Variants in ETV4 observed in about 807,000 individuals in gnomAD.
The protein encoded by ETV4 is ETS variant transcription factor 4.
Under a neutral mutation model 65.9 loss-of-function variants are expected in ETV4, and 42 were observed. The observed-to-expected ratio is 0.64, with a 90% confidence interval of 0.50 to 0.82. The LOEUF (loss-of-function observed/expected upper bound fraction) is 0.82. Among genes scored for constraint, ETV4 ranks in the 40% least tolerant of loss-of-function variants. The pLI, the probability that ETV4 is intolerant of heterozygous loss-of-function variation, is 0.00. For synonymous variants in ETV4, 238 were observed against 260.0 expected (o/e 0.92, Z 0.81); for missense variants, 583 against 630.3 (o/e 0.92, Z 0.80).
At chr17:43,541,036 C>T (rs1189415132) in intron 4 of ETV4, among the ~76,000 whole-genome samples, 1 of 152,146 alleles carries the variant, frequency 6.6e-6, no homozygotes, top group African/African-American at 2.4e-5. Flanking sequence ...CTTCCTGCCT[C>T]GGGCCTGACA....
intron 6 of ETV4, 59 bp from the exon 7 acceptor site, chr17:43,533,407 C>G: frequency 1.3e-6 from 2 of 1,508,820 alleles, no homozygotes; most frequent in Non-Finnish European, 1.8e-6. Flanking sequence ...CATCTTTGAA[C>G]CCTTCATTCC....
At chr17:43,545,837 G>T in intron 1 of ETV4, 169 bp from the exon 2 acceptor site, 1 of 598,322 alleles carries the variant, frequency 1.7e-6, no homozygotes, top group Non-Finnish European at 3.0e-6. Flanking sequence ...CTCCCCTCCC[G>T]CCAAAGGCCA....
chr17:43,537,017 T>C (rs901912531), intron 4 of ETV4, among the ~76,000 whole-genome samples: 4 of 152,204 alleles, frequency 2.6e-5, no homozygotes, highest in Non-Finnish European at 4.4e-5. Context: ...CTCACAACAG[T>C]CATATCTAGG....
intron 5 of ETV4, among the ~76,000 whole-genome samples, chr17:43,534,377 C>G (rs1971123475): frequency 1.3e-5 from 2 of 152,000 alleles, no homozygotes; most frequent in South Asian, 4.2e-4. Context: ...GCCTGTAGTC[C>G]CAGCTACTCA....
chr17:43,528,697 G>A lies in ETV4; in HGVS notation c.1277C>T (p.Ala426Val), dbSNP rs117364926. The A allele has an allele frequency of 1.5e-3, 2,413 of 1,614,168 alleles. 2 individuals are homozygous for A. Among genetic ancestry groups the A allele is most frequent in the Non-Finnish European group, 1.8e-3 (2,125 of 1,180,038 alleles). Residue 426 changes from alanine to valine, a missense_variant, in exon 13 of 13, where the codon GCC becomes GTC. Transcript: ENST00000319349. The stretch of plus-strand genomic sequence containing the variant: ...GTCCGGGAAGGCCAAAGAGAAGAGG[G>A]CCTCGGGCTCACACACAAACTTGTA... The part of the protein sequence containing the change: ...YVYKFVCEPE[A>V]LFSLAFPDNQ...
At chr17:43,545,152 G>A in intron 3 of ETV4, 122 bp downstream of exon 3, 1 of 1,291,320 alleles carries the variant, frequency 7.7e-7, no homozygotes, top group Non-Finnish European at 1.1e-6. Flanking sequence ...TCCCTTGGAG[G>A]GCGAGTTTTT....
chr17:43,534,007 A>G (rs760155769), intron 5 of ETV4, 22 bp from the exon 6 acceptor site: 1 of 1,505,712 alleles, frequency 6.6e-7, no homozygotes, highest in East Asian at 2.6e-5. Flanking sequence ...GAGGGGACAG[A>G]GCAAGGCCAG....
intron 4 of ETV4, among the ~76,000 whole-genome samples, chr17:43,541,694 G>A (rs192681216): frequency 6.6e-6 from 1 of 152,234 alleles, no homozygotes; most frequent in African/African-American, 2.4e-5. Context: ...ATAGGGTGAA[G>A]GGGGTAGAGG....
intron 8 of ETV4, 95 bp from the exon 9 acceptor site, chr17:43,530,276 C>T: frequency 6.5e-7 from 1 of 1,526,754 alleles, no homozygotes; most frequent in Non-Finnish European, 8.8e-7. Context: ...GAATTTCTTC[C>T]TTCCAGCCTG....
At chr17:43,545,949 G>A in intron 1 of ETV4, 2 of 315,306 alleles carry the variant, frequency 6.3e-6, no homozygotes, top group East Asian at 6.5e-5. Flanking sequence ...GTGTGTGTGT[G>A]TGTGTGTGTG....
rs1045769531 is a variant in ETV4, at chr17:43,528,548, A to G, written c.1426T>C (p.Phe476Leu). The G allele has an allele frequency of 1.2e-6, 2 of 1,612,434 alleles. No homozygotes were observed. The highest frequency in any genetic ancestry group is 1.7e-6 in the Non-Finnish European group (2 of 1,179,082). The change falls in exon 13 of 13, where the codon TTT becomes CTT. Residue 476 changes from phenylalanine to leucine, a missense_variant. Phe to Leu is a conservative substitution (Grantham distance 22). Transcript: ENST00000319349. ...TAAGAGTAGCCACCCTTGGGGCCAA[A>G]TGGCTGGGCGGGGCCAGCCAGCTCT... ...LPELAGPAQPFGPKGGYSY is the reference protein window; with the variant it reads ...LPELAGPAQPLGPKGGYSY
At chr17:43,542,676 C>T (rs908296833) in intron 4 of ETV4, among the ~76,000 whole-genome samples, 1 of 152,162 alleles carries the variant, frequency 6.6e-6, no homozygotes, top group African/African-American at 2.4e-5. Flanking sequence ...TCACACTCAC[C>T]CTTCAACGCC....
At chr17:43,532,265 C>T (rs528187552) in intron 8 of ETV4, among the ~76,000 whole-genome samples, 12 of 152,046 alleles carry the variant, frequency 7.9e-5, no homozygotes, top group Non-Finnish European at 1.5e-4. Context: ...TTTGGGAGGC[C>T]GAGGCGATGG....
At position 43,537,406 on chromosome 17, in the gene ETV4, G is replaced by C. The variant is rs115696102; in HGVS notation, c.203-927C>G. ...TTAAATAATAAATAAAATCACATAGGGGGGTGGCTGGGCGCAGTGGTTCAT... is the reference window on the plus strand; with the variant it reads ...TTAAATAATAAATAAAATCACATAGCGGGGTGGCTGGGCGCAGTGGTTCAT... On this transcript the variant is annotated intron_variant, in intron 4 of 12. Transcript: ENST00000319349. 2.7e-3 allele frequency among the ~76,000 whole-genome samples: 407 copies of C among 151,862 alleles called. 2 individuals carry two copies. The highest frequency in any genetic ancestry group is 9.1e-3 in the African/African-American group (375 of 41,404).
chr17:43,542,082 T>C (rs548566226), intron 4 of ETV4, among the ~76,000 whole-genome samples: 24 of 152,160 alleles, frequency 1.6e-4, no homozygotes, highest in African/African-American at 5.5e-4. Context: ...CCTACAAATA[T>C]GATTGGGACA....
intron 5 of ETV4, 31 bp from the exon 6 acceptor site, chr17:43,534,016 A>G (rs1260220553): frequency 6.7e-7 from 1 of 1,484,962 alleles, no homozygotes; most frequent in Non-Finnish European, 8.9e-7. Flanking sequence ...GAGCAAGGCC[A>G]GAGCCTGTCA....
At chr17:43,545,456 G>A (rs1280860588) in intron 2 of ETV4, 89 bp from the exon 3 acceptor site, 1 of 1,455,412 alleles carries the variant, frequency 6.9e-7, no homozygotes, top group East Asian at 2.5e-5. Context: ...CTCAGGGGCG[G>A]GGCAGCCCAG....
chr17:43,544,155 C>A (rs1259806221), intron 4 of ETV4: 1 of 152,518 alleles, frequency 6.6e-6, no homozygotes, highest in African/African-American at 2.4e-5. Context: ...TTCCCTCCCA[C>A]CTGCAGCCCC....
chr17:43,537,299 A>G (rs1035310299), intron 4 of ETV4, among the ~76,000 whole-genome samples: 1 of 152,226 alleles, frequency 6.6e-6, no homozygotes, highest in East Asian at 1.9e-4. Context: ...TGGGAGGCAG[A>G]GGTTGCAGTG....
Sources: gnomAD v4.1 joint callset for allele counts (sites outside exome capture counted in the v4.1 genomes callset) on GRCh38, gnomAD v4.1.1 for gene constraint, MANE v1.5 for transcripts, NCBI Gene and HGNC (gene_info 2026-07-23, HGNC 2026-07-21) for gene names.